Variants in DENND2A observed in about 807,000 individuals in gnomAD.
DENND2A encodes the protein DENN domain containing 2A.
In DENND2A, 53 loss-of-function variants were observed where a neutral mutation model predicts 105.3. The observed-to-expected ratio is 0.50, with a 90% CI of 0.40 to 0.63. The LOEUF (loss-of-function observed/expected upper bound fraction) is 0.63, where lower values mean the gene tolerates loss of function less well. Among genes scored for constraint, DENND2A ranks in the 30% least tolerant of loss-of-function variants. DENND2A has a pLI of 0.00. For missense variants in DENND2A, 1,138 were observed against 1,279.6 expected, an observed-to-expected ratio of 0.89 and a Z score of 1.69; for synonymous variants, 522 against 508.4, an observed-to-expected ratio of 1.03 and a Z score of -0.36.
At chr7:140,632,864 C>CTTT (rs1158154967) in intron 1 of DENND2A, among the ~76,000 whole-genome samples, 3 of 117,254 alleles carry the variant, frequency 2.6e-5, no homozygotes, top group Admixed American at 8.6e-5. Context: ...CATGCCTGGC[C>CTTT]TTTTTTTTTT....
At chr7:140,634,966 A>G (rs554333163) in intron 1 of DENND2A, among the ~76,000 whole-genome samples, 72 of 151,994 alleles carry the variant, frequency 4.7e-4, no homozygotes, top group Non-Finnish European at 7.8e-4. Context: ...CGTCTCAAAA[A>G]AAAAAAAAAA....
At chr7:140,615,541 T>C (rs1015541524) in intron 1 of DENND2A, among the ~76,000 whole-genome samples, 14 of 151,538 alleles carry the variant, frequency 9.2e-5, no homozygotes, top group South Asian at 2.1e-4. Flanking sequence ...GCTTTTTTTT[T>C]TTTTTTTCTT....
rs191905745 is a variant in DENND2A at position 140,600,678 on chromosome 7, A to G, written c.995+725T>C. Among the ~76,000 whole-genome samples the G allele has an allele frequency of 1.9e-4, 29 of 152,254 alleles. No individual in the cohort carries two copies. The East Asian group carries it at 2.5e-3, about 13-fold the overall frequency. ...TTCAGGAGGAGGTTCCCAAAGCTCA[A>G]TGGGGTGGGTCAAGAGAAAATAGGA... On this transcript the variant is annotated intron_variant, in intron 3 of 19. Transcript: ENST00000496613.
In DENND2A at chr7:140,527,471, C is replaced by G; in HGVS notation, c.2352G>C (p.Ala784=). The G allele has an allele frequency of 1.2e-6, 2 of 1,605,088 alleles. No homozygotes were observed. The highest frequency in any genetic ancestry group is 1.7e-6 in the Non-Finnish European group (2 of 1,175,824). ...CGAAGGGGTAGATCAGCGCCACCATCGCGTGGCAGCACTTGGACAGGATGC... is the reference window on the plus strand; with the variant it reads ...CGAAGGGGTAGATCAGCGCCACCATGGCGTGGCAGCACTTGGACAGGATGC... The part of the protein sequence containing the change: ...KLSILSKCCH[A]MVALIYPFAW... Residue 784 remains alanine (A), a synonymous_variant, in exon 15 of 20, where the codon GCG becomes GCC. Coordinates refer to ENST00000496613, the MANE Select transcript of DENND2A (RefSeq NM_015689.5). This position sits in a 1 kb window ranked among gnomAD's most constrained non-coding sequence, Gnocchi z 4.9.
At chr7:140,613,660 C>A (rs921299400) in intron 1 of DENND2A, among the ~76,000 whole-genome samples, 28 of 136,022 alleles carry the variant, frequency 2.1e-4, no homozygotes, top group African/African-American at 9.1e-4. Flanking sequence ...GGAGCAGCCA[C>A]CCTTAAAATT....
At chr7:140,542,910 A>G (rs1249169456) in intron 14 of DENND2A, among the ~76,000 whole-genome samples, 5 of 152,020 alleles carry the variant, frequency 3.3e-5, no homozygotes, top group South Asian at 2.1e-4. Context: ...ACCTGTCCCC[A>G]TATCTATGTA....
intron 8 of DENND2A, 86 bp from the exon 9 acceptor site, chr7:140,567,359 GA>G: frequency 8.3e-7 from 1 of 1,208,550 alleles, no homozygotes; most frequent in Non-Finnish European, 1.1e-6. Flanking sequence ...AGTGAGCAAA[GA>G]GCCTGAAATG....
intron 1 of DENND2A, among the ~76,000 whole-genome samples, chr7:140,618,771 G>GT (rs1329228089): frequency 1.3e-5 from 2 of 151,268 alleles, no homozygotes; most frequent in South Asian, 2.1e-4. Flanking sequence ...GTTTGGATCT[G>GT]TTTTTTTACG....
chr7:140,567,322 G>T, intron 8 of DENND2A, 49 bp from the exon 9 acceptor site: 1 of 1,414,470 alleles, frequency 7.1e-7, no homozygotes. Flanking sequence ...GAGAGAGAGA[G>T]AGAGAGAGAG....
rs145673079 is a variant in DENND2A at position 140,630,385 on chromosome 7, G to C, written c.-248+10119C>G. Among the ~76,000 whole-genome samples the C allele has an allele frequency of 2.6e-4, 40 of 152,238 alleles. 1 individual carries two copies. Among genetic ancestry groups the C allele is most frequent in the African/African-American group, 8.7e-4 (36 of 41,538 alleles). On this transcript the variant is annotated intron_variant, in intron 1 of 19. Coordinates refer to ENST00000496613, the MANE Select transcript of DENND2A (RefSeq NM_015689.5). ...ACAGGGAGTTCTAGTGGCAGAACAC[G>C]CGCACTGGCTTCTTTTTATTCCCTA...
At chr7:140,584,255 A>C (rs1219443198) in intron 5 of DENND2A, among the ~76,000 whole-genome samples, 1 of 152,254 alleles carries the variant, frequency 6.6e-6, no homozygotes, top group Non-Finnish European at 1.5e-5. Context: ...AAACAAAAAC[A>C]AAAAACAACA....
chr7:140,593,923 G>A (rs1305205124), intron 3 of DENND2A, among the ~76,000 whole-genome samples: 7 of 148,288 alleles, frequency 4.7e-5, no homozygotes, highest in African/African-American at 7.4e-5. Flanking sequence ...TCTTTTTTCT[G>A]AGATGGAGTT....
chr7:140,519,557 G>A, intron 19 of DENND2A, 75 bp downstream of exon 19: 1 of 1,362,258 alleles, frequency 7.3e-7, no homozygotes, highest in Non-Finnish European at 1.0e-6. Context: ...GGCTCCAGTG[G>A]AGGGAACCGG....
intron 1 of DENND2A, among the ~76,000 whole-genome samples, chr7:140,624,860 T>G (rs1314566270): frequency 3.3e-5 from 5 of 149,942 alleles, no homozygotes; most frequent in Admixed American, 6.6e-5. Context: ...TTTTTTTTGT[T>G]TTTTTTTGTT....
Position 140,559,632 on chromosome 7 carries a change from G to T in DENND2A, c.1889+76C>A. 1 of 1,044,016 alleles carries T rather than the reference G, an allele frequency of 9.6e-7. No homozygotes were observed. The allele number at this position is 1,044,016 out of a possible 1,614,324, so 64.7% of individuals were successfully genotyped here. On this transcript the variant is annotated intron_variant, in intron 10 of 19. Transcript: ENST00000496613. The surrounding 1 kb of genome is among the most constrained non-coding windows in gnomAD (Gnocchi z 4.1). ...ACTTAACGGTGGGAATGACTCATGT[G>T]GTCTGCCACCTGTAACCCCGTCTCT...
chr7:140,637,984 C>T (rs1369555067), intron 1 of DENND2A, among the ~76,000 whole-genome samples: 3 of 152,096 alleles, frequency 2.0e-5, no homozygotes, highest in African/African-American at 7.3e-5. Flanking sequence ...CACAGAAGTG[C>T]AGTTCACTCC....
chr7:140,636,914 G>A (rs768864268), intron 1 of DENND2A, among the ~76,000 whole-genome samples: 1 of 152,064 alleles, frequency 6.6e-6, no homozygotes, highest in Non-Finnish European at 1.5e-5. Context: ...AGGCTGGAAT[G>A]TAGTGATGCA....
chr7:140,550,073 G>A (rs1372600973), intron 12 of DENND2A, among the ~76,000 whole-genome samples: 2 of 130,390 alleles, frequency 1.5e-5, no homozygotes, highest in Non-Finnish European at 3.1e-5. Flanking sequence ...CTAGAATCCT[G>A]GAATTCATAA....
intron 1 of DENND2A, among the ~76,000 whole-genome samples, chr7:140,623,138 C>G (rs1351613311): frequency 6.7e-6 from 1 of 149,886 alleles, no homozygotes; most frequent in African/African-American, 2.5e-5. Flanking sequence ...AGTTCGAGAC[C>G]AGTCTGGCCA....
Sources: gnomAD v4.1 joint callset for allele counts (sites outside exome capture counted in the v4.1 genomes callset) on GRCh38, gnomAD v4.1.1 for gene constraint, Gnocchi (gnomAD v3.1) non-coding constraint, MANE v1.5 for transcripts, NCBI Gene and HGNC (gene_info 2026-07-23, HGNC 2026-07-21) for gene names.